The following RASSF3 variants were observed in gnomAD, a reference collection of about 807,000 sequenced individuals.
The protein encoded by RASSF3 is ras association domain-containing protein 3.
In RASSF3, 19 loss-of-function variants were observed where a neutral mutation model predicts 19.9. The ratio of observed to expected loss-of-function variants is 0.96; its 90% CI spans 0.67 to 1.40. RASSF3 has a LOEUF of 1.40. Ranked by LOEUF, RASSF3 falls within the 40% of genes most tolerant of loss-of-function variation. The probability of loss-of-function intolerance (pLI) is 0.00; values close to 1 mark genes in which losing one functional copy is unlikely to be tolerated. For missense variants in RASSF3, 306 were observed against 289.8 expected (o/e 1.06, Z -0.41); for synonymous variants, 110 against 104.2 (o/e 1.06, Z -0.34).
chr12:64,645,470 T>C (rs1056392073), intron 1 of RASSF3, among the ~76,000 whole-genome samples: 7 of 151,994 alleles, frequency 4.6e-5, no homozygotes, highest in Admixed American at 3.9e-4. Context: ...GCCATGAGTT[T>C]GAGACCAGCC....
At chr12:64,524,052 CTTTT>C (rs35141966) in intron 1 of RASSF3, among the ~76,000 whole-genome samples, 1 of 120,116 alleles carries the variant, frequency 8.3e-6, no homozygotes, top group Non-Finnish European at 1.7e-5. Flanking sequence ...TGTACTTGCT[CTTTT>C]TTTTTTTTTT....
chr12:64,655,772 A>G (rs981675610), intron 1 of RASSF3, among the ~76,000 whole-genome samples: 1 of 152,142 alleles, frequency 6.6e-6, no homozygotes, highest in Non-Finnish European at 1.5e-5. Context: ...CACGCCTGTA[A>G]TTCCAGCACT....
chr12:64,675,764 A>G (rs549859200), intron 1 of RASSF3, among the ~76,000 whole-genome samples: 1 of 152,256 alleles, frequency 6.6e-6, no homozygotes, highest in South Asian at 2.1e-4. Context: ...GTCCCTCTCT[A>G]ACCTTTTCCT....
chr12:64,524,333 C>T (rs897451846), intron 1 of RASSF3, among the ~76,000 whole-genome samples: 1 of 151,716 alleles, frequency 6.6e-6, no homozygotes. Context: ...GTGATCCACC[C>T]GTCTTGGCCT....
At chr12:64,642,370 G>C (rs551567837) in intron 1 of RASSF3, among the ~76,000 whole-genome samples, 3 of 151,764 alleles carry the variant, frequency 2.0e-5, no homozygotes, top group African/African-American at 7.2e-5. Context: ...GACAAGCCTG[G>C]CCAAAATGGT....
intron 1 of RASSF3, among the ~76,000 whole-genome samples, chr12:64,514,407 G>A (rs374135693): frequency 1.6e-4 from 25 of 152,066 alleles, no homozygotes; most frequent in African/African-American, 5.1e-4. Flanking sequence ...GGATGGTCCC[G>A]ATCTCTTGAC....
At chr12:64,605,889 A>C (rs1346380616), upstream of RASSF3, among the ~76,000 whole-genome samples, 3 of 50,248 alleles carry the variant, frequency 6.0e-5, no homozygotes, top group Non-Finnish European at 1.3e-4. Context: ...CTCCGTCTCA[A>C]AAAAAAAAAA....
chr12:64,509,384 A>C (rs1162226775), intron 1 of RASSF3, among the ~76,000 whole-genome samples: 1 of 152,208 alleles, frequency 6.6e-6, no homozygotes, highest in Non-Finnish European at 1.5e-5. Flanking sequence ...CAGGAGGTGG[A>C]GGTTGCAGTG....
downstream of RASSF3, among the ~76,000 whole-genome samples, chr12:64,546,363 C>A (rs1271639392): frequency 2.0e-5 from 3 of 152,044 alleles, no homozygotes; most frequent in Admixed American, 2.0e-4. Flanking sequence ...CTCCGCCTCC[C>A]GGGTTCATGC....
chr12:64,601,944 C>T (rs185585637), intron 2 of RASSF3, among the ~76,000 whole-genome samples: 15 of 151,618 alleles, frequency 9.9e-5, no homozygotes, highest in Non-Finnish European at 1.8e-4. Context: ...GGTGAAACCC[C>T]GTCTCTACTA....
intron 1 of RASSF3, among the ~76,000 whole-genome samples, chr12:64,509,889 C>T (rs948054510): frequency 6.6e-6 from 1 of 152,032 alleles, no homozygotes; most frequent in African/African-American, 2.4e-5. Flanking sequence ...GAGTTCAAGA[C>T]CAGCCTGGCC....
At position 64,688,322 on chromosome 12, in the gene RASSF3, G is replaced by A. The variant is rs1204176354; in HGVS notation, c.326G>A (p.Cys109Tyr). Residue 109 changes from cysteine to tyrosine, a missense_variant, in exon 3 of 5, where the codon TGT becomes TAT. Coordinates refer to ENST00000542104, the MANE Select transcript of RASSF3 (RefSeq NM_178169.4). ...AAACTCTCTCCCAGTAGCAATGGCT[G>A]TATGAATACACTTCATATCAGCAGC... ...SGKLSPSSNG[C>Y]MNTLHISSTN... The A allele has an allele frequency of 1.2e-6, 2 of 1,613,570 alleles. No homozygotes were observed. Among genetic ancestry groups the A allele is most frequent in the Non-Finnish European group, 1.7e-6 (2 of 1,179,568 alleles).
At chr12:64,572,111 T>TTGTG (rs71278247) in intron 2 of RASSF3, among the ~76,000 whole-genome samples, 19 of 151,130 alleles carry the variant, frequency 1.3e-4, no homozygotes, top group South Asian at 4.2e-4. Flanking sequence ...AATTGTAGAC[T>TTGTG]TGTGTGTGTG....
chr12:64,579,962 GCGC>G (rs1555210195), intron 2 of RASSF3, among the ~76,000 whole-genome samples: 2 of 151,932 alleles, frequency 1.3e-5, no homozygotes, highest in Non-Finnish European at 2.9e-5. Flanking sequence ...TTACAGGCAT[GCGC>G]CACCATGCCT....
At chr12:64,685,949 C>CA (rs1873334142) in intron 2 of RASSF3, among the ~76,000 whole-genome samples, 1 of 152,152 alleles carries the variant, frequency 6.6e-6, no homozygotes, top group South Asian at 2.1e-4. Context: ...TGTGAACTGA[C>CA]AGAGTTTGGT....
At chr12:64,522,205 A>G (rs1002925518) in intron 1 of RASSF3, among the ~76,000 whole-genome samples, 3 of 152,160 alleles carry the variant, frequency 2.0e-5, no homozygotes, top group East Asian at 3.8e-4. Context: ...CAAAAAGTCT[A>G]TGTTACAGGG....
chr12:64,607,705 T>C (rs1167090673), upstream of RASSF3, among the ~76,000 whole-genome samples: 1 of 152,150 alleles, frequency 6.6e-6, no homozygotes, highest in Non-Finnish European at 1.5e-5. Flanking sequence ...TTTTGTTGCT[T>C]AAAAGCAGTG....
chr12:64,552,206 A>G (rs1869176332), intron 2 of RASSF3, among the ~76,000 whole-genome samples: 2 of 152,158 alleles, frequency 1.3e-5, no homozygotes, highest in African/African-American at 2.4e-5. Context: ...GAAGGAGGAA[A>G]GAGAGAAAGG....
intron 4 of RASSF3, among the ~76,000 whole-genome samples, 159 bp downstream of exon 4, chr12:64,691,738 A>AGAGAAGAGAGGTG (rs1868287978): frequency 4.2e-5 from 1 of 23,902 alleles, no homozygotes; most frequent in East Asian, 6.4e-4. Context: ...AGGGAGAGGG[A>AGAGAAGAGAGGTG]GAGGGATTTT....
Sources: gnomAD v4.1 joint callset for allele counts (sites outside exome capture counted in the v4.1 genomes callset) on GRCh38, gnomAD v4.1.1 for gene constraint, MANE v1.5 for transcripts, NCBI Gene and HGNC (gene_info 2026-07-23, HGNC 2026-07-21) for gene names.